Variants in SORCS2 observed in about 807,000 individuals in gnomAD.
SORCS2 encodes sortilin related VPS10 domain containing receptor 2.
Under a neutral mutation model 141.6 loss-of-function variants are expected in SORCS2, and 100 were observed. The observed-to-expected ratio is 0.71, with a 90% CI of 0.60 to 0.83. The LOEUF (loss-of-function observed/expected upper bound fraction) is 0.83, where lower values mean the gene tolerates loss of function less well. SORCS2 is among the 40% of genes least tolerant of loss of function. The pLI is 0.00. For missense variants in SORCS2, 1,646 were observed against 1,560.2 expected, an observed-to-expected ratio of 1.05 and a Z score of -0.93; for synonymous variants, 789 against 676.9, an observed-to-expected ratio of 1.17 and a Z score of -2.57.
At chr4:7,332,181 T>C (rs1719693741) in intron 1 of SORCS2, among the ~76,000 whole-genome samples, 1 of 152,142 alleles carries the variant, frequency 6.6e-6, no homozygotes, top group African/African-American at 2.4e-5. Context: ...TGCCAGGAGC[T>C]CAGGAAGGGC....
At chr4:7,674,221 C>T (rs982451388) in intron 8 of SORCS2, among the ~76,000 whole-genome samples, 4 of 152,092 alleles carry the variant, frequency 2.6e-5, no homozygotes, top group Admixed American at 6.6e-5. Flanking sequence ...GGTCCATAGA[C>T]ACAGGACTGT....
intron 4 of SORCS2, among the ~76,000 whole-genome samples, chr4:7,641,938 T>G: frequency 8.0e-6 from 1 of 124,300 alleles, no homozygotes; most frequent in Admixed American, 8.9e-5. Flanking sequence ...GGATAGATGA[T>G]GGATGGATGA....
At chr4:7,627,293 G>T (rs1385508143) in intron 3 of SORCS2, among the ~76,000 whole-genome samples, 1 of 152,126 alleles carries the variant, frequency 6.6e-6, no homozygotes, top group Non-Finnish European at 1.5e-5. Context: ...CCTTTTCGTG[G>T]GTTTTTAAAA....
chr4:7,273,931 G>T (rs1231865382), intron 1 of SORCS2, among the ~76,000 whole-genome samples: 2 of 152,160 alleles, frequency 1.3e-5, no homozygotes, highest in East Asian at 3.9e-4. Flanking sequence ...CCATGCTGGG[G>T]CTCTGACATG....
At chr4:7,403,613 A>C (rs2109132607) in intron 2 of SORCS2, among the ~76,000 whole-genome samples, 1 of 152,186 alleles carries the variant, frequency 6.6e-6, no homozygotes, top group South Asian at 2.1e-4. Flanking sequence ...TTAGGGAAGA[A>C]AGTTTCAGAT....
chr4:7,470,866 C>T (rs1418383282), intron 2 of SORCS2, among the ~76,000 whole-genome samples: 2 of 152,298 alleles, frequency 1.3e-5, no homozygotes, highest in East Asian at 3.9e-4. Flanking sequence ...GTGCCCAGGA[C>T]CTGGAGGGTT....
intron 2 of SORCS2, among the ~76,000 whole-genome samples, chr4:7,428,303 ACCAGAGGGCTGAAAGTGGTC>A (rs972815791): frequency 6.6e-6 from 1 of 152,198 alleles, no homozygotes; most frequent in African/African-American, 2.4e-5. Context: ...CAAAGGGCAG[ACCAGAGGGCTGAAAGTGGTC>A]CCAGAAGAGC....
chr4:7,403,984 TATATATATA>T lies in SORCS2; in HGVS notation c.548+7630_548+7638del, dbSNP rs1478399810. ...GTGTATATATATATATATATATATA[TATATATATA>T]TATATTTTTTTTTTTTTTTTAGTAT... On this transcript the variant is annotated intron_variant, in intron 2 of 26. Coordinates refer to ENST00000507866, the MANE Select transcript of SORCS2 (RefSeq NM_020777.3). Among the ~76,000 whole-genome samples the T allele has an allele frequency of 3.0e-3, 51 of 17,188 alleles. 1 individual carries two copies. The Admixed American group carries it at 0.033, about 11-fold the overall frequency. The allele number at this position is 17,188 out of a possible 152,430, so 11.3% of individuals were successfully genotyped here.
At chr4:7,577,121 G>A (rs16840517) in intron 3 of SORCS2, among the ~76,000 whole-genome samples, 10,271 of 152,246 alleles carry the variant, frequency 0.067, 1,038 homozygotes, top group African/African-American at 0.21. Context: ...CAGCTGCTGT[G>A]ACAAGAACGC....
chr4:7,700,707 C>A (rs768787642), intron 12 of SORCS2, among the ~76,000 whole-genome samples: 1 of 152,198 alleles, frequency 6.6e-6, no homozygotes, highest in East Asian at 1.9e-4. Context: ...CCCCGCTCCA[C>A]CCCCGGGGGC....
intron 1 of SORCS2, among the ~76,000 whole-genome samples, chr4:7,313,352 G>A (rs1718325526): frequency 2.0e-5 from 3 of 152,226 alleles, no homozygotes; most frequent in Admixed American, 6.5e-5. Context: ...CAGGGAAGGC[G>A]CAGTCCTCCT....
intron 1 of SORCS2, among the ~76,000 whole-genome samples, chr4:7,215,332 CTCGA>C (rs1446138721): frequency 6.6e-6 from 1 of 152,232 alleles, no homozygotes; most frequent in African/African-American, 2.4e-5. Flanking sequence ...CGGCGCTGCG[CTCGA>C]TTTCTCACCG....
chr4:7,703,160 T>C, intron 12 of SORCS2, 120 bp from the exon 13 acceptor site: 1 of 749,140 alleles, frequency 1.3e-6, no homozygotes, highest in East Asian at 2.9e-5. Context: ...AGACCGGCCT[T>C]GGCCTCTGCC....
intron 3 of SORCS2, among the ~76,000 whole-genome samples, chr4:7,538,587 T>TCACACACACACACACACACACA (rs34526550): frequency 1.4e-3 from 205 of 150,686 alleles, no homozygotes; most frequent in African/African-American, 4.0e-3. Flanking sequence ...AATATTAAAA[T>TCACACACACACACACACACACA]CACACACACA....
chr4:7,587,672 G>A (rs963285745), intron 3 of SORCS2, among the ~76,000 whole-genome samples: 1 of 152,164 alleles, frequency 6.6e-6, no homozygotes, highest in Non-Finnish European at 1.5e-5. Flanking sequence ...CGCCTCCCAG[G>A]GGAGGTAGGG....
At chr4:7,320,737 G>A (rs555239067) in intron 1 of SORCS2, among the ~76,000 whole-genome samples, 159 of 152,276 alleles carry the variant, frequency 1.0e-3, no homozygotes, top group African/African-American at 3.7e-3. Context: ...GGAAGGCTGG[G>A]GAAAGGTCAA....
At chr4:7,435,601 AATCAAAGGCT>A (rs1278315073) in intron 2 of SORCS2, among the ~76,000 whole-genome samples, 1 of 152,206 alleles carries the variant, frequency 6.6e-6, no homozygotes, top group African/African-American at 2.4e-5. Context: ...TAGAAATGTC[AATCAAAGGCT>A]GAGTGTGGGC....
chr4:7,215,602 TG>T (rs1444144523), intron 1 of SORCS2, among the ~76,000 whole-genome samples: 3 of 152,194 alleles, frequency 2.0e-5, no homozygotes, highest in Non-Finnish European at 4.4e-5. Flanking sequence ...CTGAGTCTGG[TG>T]GGGACGTGGA....
intron 2 of SORCS2, among the ~76,000 whole-genome samples, chr4:7,421,806 T>TGAGGCCTCCTGC (rs1726084077): frequency 6.7e-6 from 1 of 148,866 alleles, no homozygotes; most frequent in Non-Finnish European, 1.5e-5. Context: ...AGGGCTCCTG[T>TGAGGCCTCCTGC]CACTGAGGCC....
Sources: allele counts gnomAD v4.1 joint callset (sites outside exome capture counted in the v4.1 genomes callset), GRCh38; gene constraint gnomAD v4.1.1; transcripts MANE v1.5; gene names NCBI Gene and HGNC (gene_info 2026-07-23, HGNC 2026-07-21).